AP1AR: variants seen among roughly 807,000 people sequenced by gnomAD.
AP1AR encodes adaptor related protein complex 1 associated regulatory protein, also known as AP-1 complex-associated regulatory protein.
In AP1AR, 29 loss-of-function variants were observed where a neutral mutation model predicts 46.3. The observed-to-expected ratio is 0.63, with a 90% CI of 0.47 to 0.85. The LOEUF is 0.85. Among genes scored for constraint, AP1AR ranks in the 40% least tolerant of loss-of-function variants. AP1AR has a pLI of 0.00. For synonymous variants in AP1AR, 122 were observed against 122.9 expected (o/e 0.99, Z 0.05); for missense variants, 357 against 356.3 (o/e 1.00, Z -0.02).
rs1197427145 is a variant in AP1AR at position 112,253,234 on chromosome 4, G to A, written c.110G>A (p.Arg37Lys). 2 of 1,611,164 alleles carry A rather than the reference G, an allele frequency of 1.2e-6. No individual in the cohort carries two copies. The highest frequency in any genetic ancestry group is 1.7e-6 in the Non-Finnish European group (2 of 1,178,936). The change falls in exon 2 of 10, where the codon AGA becomes AAA. Residue 37 changes from arginine to lysine, a missense_variant. Arg to Lys is a conservative substitution (Grantham distance 26). Transcript: ENST00000274000. ...GGSKYFRTCS[R>K]GEHLTIEFEN... ...TCCAAGTATTTTAGAACATGCTCAAGAGGTGAGCACTTAACAATAGAGGTA... is the reference window on the plus strand; with the variant it reads ...TCCAAGTATTTTAGAACATGCTCAAAAGGTGAGCACTTAACAATAGAGGTA...
rs1200888340 is a variant in AP1AR at position 112,272,634 on chromosome 4, CA to C, written c.*4227del. Among the ~76,000 whole-genome samples, 2 of 152,188 alleles carry C rather than the reference CA, an allele frequency of 1.3e-5. No homozygotes were observed. The highest frequency in any genetic ancestry group is 4.1e-4 in the South Asian group (2 of 4,824). On this transcript the variant is annotated 3_prime_UTR_variant, in exon 10 of 10. Transcript: ENST00000274000. Reference sequence around the variant, plus strand: ...TAAGACAAAGGTCAAGCTGGGTACTCAATCTTTTGACGTCCCCCTTCGTTCC... The same window carrying C: ...TAAGACAAAGGTCAAGCTGGGTACTCATCTTTTGACGTCCCCCTTCGTTCC...
chr4:112,234,049 C>A (rs1455695110), intron 1 of AP1AR, among the ~76,000 whole-genome samples: 1 of 152,136 alleles, frequency 6.6e-6, no homozygotes, highest in East Asian at 1.9e-4. Flanking sequence ...TTAGTAGAGA[C>A]CGGGTTTCAC....
intron 1 of AP1AR, among the ~76,000 whole-genome samples, chr4:112,248,793 C>T (rs113330993): frequency 6.6e-5 from 10 of 152,294 alleles, no homozygotes; most frequent in South Asian, 2.1e-4. Context: ...CCTTATCTCC[C>T]TTCCTTCTTC....
chr4:112,251,232 G>A (rs1322012082), intron 1 of AP1AR, among the ~76,000 whole-genome samples: 2 of 152,214 alleles, frequency 1.3e-5, no homozygotes, highest in Non-Finnish European at 2.9e-5. Context: ...TTCTAGCTTA[G>A]TCAGATACTC....
chr4:112,260,087 G>C (rs1368937516), intron 4 of AP1AR, among the ~76,000 whole-genome samples: 1 of 152,144 alleles, frequency 6.6e-6, no homozygotes, highest in Non-Finnish European at 1.5e-5. Context: ...ATTGATGTCA[G>C]GTTTTCTCTA....
intron 1 of AP1AR, among the ~76,000 whole-genome samples, chr4:112,242,587 C>T (rs1446839306): frequency 6.6e-6 from 1 of 152,132 alleles, no homozygotes; most frequent in Non-Finnish European, 1.5e-5. Flanking sequence ...AGAAATCACA[C>T]GGCAAAAGAG....
In AP1AR at chr4:112,271,866, C is replaced by T. The variant is rs1445765077; in HGVS notation, c.*3457C>T. On this transcript the variant is annotated 3_prime_UTR_variant, in exon 10 of 10. Transcript: ENST00000274000. Reference sequence around the variant, plus strand: ...TAAGTCATTAAACCAGCTGAGTTCACCCCAGGGGAGCACATAGGCAGAAAA... The same window carrying T: ...TAAGTCATTAAACCAGCTGAGTTCATCCCAGGGGAGCACATAGGCAGAAAA... Among the ~76,000 whole-genome samples the T allele has an allele frequency of 1.3e-5, 2 of 152,112 alleles. No homozygotes were observed. The highest frequency in any genetic ancestry group is 2.9e-5 in the Non-Finnish European group (2 of 68,020).
intron 9 of AP1AR, among the ~76,000 whole-genome samples, chr4:112,267,126 ATCTAT>A (rs1726742612): frequency 6.6e-6 from 1 of 151,820 alleles, no homozygotes; most frequent in Non-Finnish European, 1.5e-5. Flanking sequence ...TTTTTTTCTT[ATCTAT>A]AGAAATAACT....
At chr4:112,236,261 T>G (rs572944298) in intron 1 of AP1AR, among the ~76,000 whole-genome samples, 1 of 152,164 alleles carries the variant, frequency 6.6e-6, no homozygotes, top group East Asian at 1.9e-4. Flanking sequence ...GACTACTCTC[T>G]CTATTGTAGC....
chr4:112,254,695 T>G, intron 2 of AP1AR, 52 bp from the exon 3 acceptor site: 1 of 1,184,516 alleles, frequency 8.4e-7, no homozygotes, highest in Non-Finnish European at 1.2e-6. Flanking sequence ...TCTTGTGAGA[T>G]GTATACCTAA....
At chr4:112,240,429 T>G (rs1725442022) in intron 1 of AP1AR, among the ~76,000 whole-genome samples, 1 of 152,236 alleles carries the variant, frequency 6.6e-6, no homozygotes. Flanking sequence ...CATACTGATA[T>G]AGTGTGATTA....
intron 1 of AP1AR, among the ~76,000 whole-genome samples, chr4:112,237,986 T>G (rs1725327060): frequency 6.6e-6 from 1 of 152,258 alleles, no homozygotes. Context: ...TGGTATGGTC[T>G]GTCACAACTA....
At chr4:112,239,731 C>T (rs1725399657) in intron 1 of AP1AR, among the ~76,000 whole-genome samples, 1 of 152,238 alleles carries the variant, frequency 6.6e-6, no homozygotes, top group African/African-American at 2.4e-5. Context: ...TTCTCTGACA[C>T]TACTTTGTTT....
chr4:112,268,478 A>C lies in AP1AR; in HGVS notation c.*69A>C. The C allele has an allele frequency of 6.9e-7, 1 of 1,455,908 alleles. No individual in the cohort carries two copies. The highest frequency in any genetic ancestry group is 2.3e-5 in the East Asian group (1 of 42,620). The allele number at this position is 1,455,908 out of a possible 1,614,324, so 90.2% of individuals were successfully genotyped here. On this transcript the variant is annotated 3_prime_UTR_variant, in exon 10 of 10. Transcript: ENST00000274000. ...AAAAACCAACTAGAATGTATAAGTG[A>C]TTGTGCTTAGCCTTTTTGTAAGGGA...
intron 2 of AP1AR, 57 bp from the exon 3 acceptor site, chr4:112,254,690 T>C: frequency 9.2e-7 from 1 of 1,083,008 alleles, no homozygotes; most frequent in Non-Finnish European, 1.3e-6. Flanking sequence ...TAATTTCTTG[T>C]GAGATGTATA....
In AP1AR at chr4:112,258,715, G is replaced by A. The variant is rs533111668; in HGVS notation, c.185+918G>A. Among the ~76,000 whole-genome samples, 8 of 152,278 alleles carry A rather than the reference G, an allele frequency of 5.3e-5. No homozygotes were observed. The South Asian group carries it at 1.7e-3, about 32-fold the overall frequency. ...CACAAGGAAAGTATGTGAGGTGATG[G>A]AAGTGTTATGTATCTTGCTTCCAGT... On this transcript the variant is annotated intron_variant, in intron 4 of 9. Transcript: ENST00000274000.
chr4:112,264,749 G>T (rs1387505816), intron 6 of AP1AR, among the ~76,000 whole-genome samples: 2 of 151,872 alleles, frequency 1.3e-5, no homozygotes, highest in Non-Finnish European at 2.9e-5. Flanking sequence ...ATACATATCT[G>T]TTAAAAAAAA....
intron 9 of AP1AR, among the ~76,000 whole-genome samples, chr4:112,267,470 A>G (rs1229800533): frequency 6.6e-6 from 1 of 151,926 alleles, no homozygotes. Flanking sequence ...ACAGTTTCCC[A>G]TAGAAATGTC....
At chr4:112,258,951 C>T (rs186826313) in intron 4 of AP1AR, among the ~76,000 whole-genome samples, 4 of 152,148 alleles carry the variant, frequency 2.6e-5, no homozygotes, top group East Asian at 1.9e-4. Flanking sequence ...CCAAGATCAC[C>T]TAACTGAGGT....
Sources: allele counts gnomAD v4.1 joint callset (sites outside exome capture counted in the v4.1 genomes callset), GRCh38; gene constraint gnomAD v4.1.1; transcripts MANE v1.5; gene names NCBI Gene and HGNC (gene_info 2026-07-23, HGNC 2026-07-21).